Variants in TANC1 observed in about 807,000 individuals in gnomAD.
The protein encoded by TANC1 is protein TANC1.
TANC1 carries 77 observed loss-of-function variants against 149.7 expected under a neutral mutation model. The observed-to-expected ratio is 0.51, with a 90% CI of 0.43 to 0.62. The LOEUF is 0.62. Ranked by LOEUF, TANC1 falls within the 20% of genes least tolerant of loss-of-function variation. TANC1 has a pLI of 0.00. For synonymous variants in TANC1, 854 were observed against 925.0 expected (o/e 0.92, Z 1.39); for missense variants, 1,985 against 2,321.8 (o/e 0.85, Z 2.98).
Position 159,001,862 on chromosome 2 carries a change from G to C in TANC1, c.-16+673G>C, listed in dbSNP as rs556359324. Among the ~76,000 whole-genome samples, 1 of 152,256 alleles carries C rather than the reference G, an allele frequency of 6.6e-6. No homozygotes were observed. Among genetic ancestry groups the C allele is most frequent in the East Asian group, 1.9e-4 (1 of 5,170 alleles). On this transcript the variant is annotated intron_variant, in intron 2 of 26. Transcript: ENST00000263635. This position sits in a 1 kb window ranked among gnomAD's most constrained non-coding sequence, Gnocchi z 4.3. ...TGAACAGTGGACAGAAGGTTCCAGA[G>C]GCTGTGGGGGAAGGGAGAGGGGGTT...
At chr2:159,218,152 C>T (rs929057074) in intron 20 of TANC1, among the ~76,000 whole-genome samples, 1 of 152,124 alleles carries the variant, frequency 6.6e-6, no homozygotes, top group African/African-American at 2.4e-5. Flanking sequence ...ATCCTTGCTC[C>T]TTCATTTCGT....
intron 5 of TANC1, among the ~76,000 whole-genome samples, chr2:159,143,399 A>G (rs944279525): frequency 3.3e-5 from 5 of 152,100 alleles, no homozygotes; most frequent in Non-Finnish European, 5.9e-5. Flanking sequence ...TTACTGTAAC[A>G]GTACAAAAAA....
chr2:159,110,874 C>G (rs576201455), intron 4 of TANC1, among the ~76,000 whole-genome samples: 228 of 152,300 alleles, frequency 1.5e-3, no homozygotes, highest in Non-Finnish European at 2.7e-3. Context: ...TTCTGGCAAG[C>G]ATGTGTCGTC....
intron 2 of TANC1, chr2:159,004,299 G>A: frequency 6.2e-7 from 1 of 1,611,712 alleles, no homozygotes; most frequent in South Asian, 1.1e-5. Context: ...TTTTGATGAG[G>A]CATCAAAGAA....
intron 1 of TANC1, among the ~76,000 whole-genome samples, chr2:158,974,439 A>G (rs993270498): frequency 2.0e-5 from 3 of 151,954 alleles, no homozygotes; most frequent in African/African-American, 7.3e-5. Context: ...ATATTTTTTA[A>G]TTTTATTATT....
At chr2:159,111,656 G>A (rs2047736895) in intron 4 of TANC1, among the ~76,000 whole-genome samples, 1 of 152,170 alleles carries the variant, frequency 6.6e-6, no homozygotes, top group African/African-American at 2.4e-5. Flanking sequence ...GACGGGCTGA[G>A]GGACCAGCAG....
chr2:158,979,243 CT>C (rs1156416196), intron 1 of TANC1, among the ~76,000 whole-genome samples: 1 of 152,070 alleles, frequency 6.6e-6, no homozygotes, highest in African/African-American at 2.4e-5. Context: ...AATTCTAGTA[CT>C]TTGGGAGGCT....
chr2:159,049,817 G>A (rs753757532), intron 2 of TANC1, among the ~76,000 whole-genome samples: 43 of 152,298 alleles, frequency 2.8e-4, no homozygotes, highest in Admixed American at 9.8e-4. Context: ...TTTTGGAAGT[G>A]GGGAGAGGAA....
intron 4 of TANC1, among the ~76,000 whole-genome samples, chr2:159,118,114 A>G (rs1294248671): frequency 6.6e-6 from 1 of 152,200 alleles, no homozygotes; most frequent in Non-Finnish European, 1.5e-5. Context: ...TGATGTACAC[A>G]GTAGCTACCT....
intron 2 of TANC1, among the ~76,000 whole-genome samples, chr2:159,025,178 C>G (rs974862294): frequency 2.0e-5 from 2 of 100,656 alleles, no homozygotes; most frequent in African/African-American, 6.7e-5. Flanking sequence ...TTCTTTCTTT[C>G]TTTTTCTTTC....
intron 16 of TANC1, among the ~76,000 whole-genome samples, chr2:159,193,251 A>G (rs1461578854): frequency 3.3e-5 from 5 of 151,950 alleles, no homozygotes; most frequent in Non-Finnish European, 5.9e-5. Context: ...TGCTTCACTT[A>G]TTTCACTTCC....
chr2:159,057,539 C>T (rs752892098), intron 2 of TANC1, among the ~76,000 whole-genome samples: 4 of 152,222 alleles, frequency 2.6e-5, no homozygotes, highest in African/African-American at 9.6e-5. Context: ...AGAGCCAGGG[C>T]AAGTTTCTCC....
intron 20 of TANC1, 31 bp from the exon 21 acceptor site, chr2:159,219,207 G>A: frequency 6.2e-7 from 1 of 1,613,566 alleles, no homozygotes; most frequent in Non-Finnish European, 8.5e-7. Context: ...AAATGCAGCA[G>A]GAGGATGGTA....
chr2:159,064,398 T>A (rs1242874324), intron 2 of TANC1, among the ~76,000 whole-genome samples: 2 of 152,242 alleles, frequency 1.3e-5, no homozygotes, highest in Non-Finnish European at 2.9e-5. Flanking sequence ...CCGATAACCT[T>A]CAGTATGGCT....
intron 3 of TANC1, among the ~76,000 whole-genome samples, chr2:159,095,147 C>T (rs1486488755): frequency 2.0e-5 from 3 of 151,830 alleles, no homozygotes; most frequent in Non-Finnish European, 4.4e-5. Flanking sequence ...AGGGTTTCAC[C>T]GTGTTGGCCA....
chr2:159,223,558 A>C (rs1213585875), intron 22 of TANC1, among the ~76,000 whole-genome samples: 5 of 152,238 alleles, frequency 3.3e-5, no homozygotes, highest in African/African-American at 1.2e-4. Flanking sequence ...TAAAATAGCC[A>C]CAGGCTAAAA....
At chr2:159,110,119 G>A (rs183692260) in intron 4 of TANC1, among the ~76,000 whole-genome samples, 182 of 152,336 alleles carry the variant, frequency 1.2e-3, no homozygotes, top group African/African-American at 4.3e-3. Flanking sequence ...TTTATGGGTT[G>A]AAGACAAGAA....
intron 2 of TANC1, among the ~76,000 whole-genome samples, chr2:159,031,871 A>G (rs969191152): frequency 6.6e-6 from 1 of 152,228 alleles, no homozygotes; most frequent in Non-Finnish European, 1.5e-5. Context: ...TGTCATACAG[A>G]TTAGATTCCA....
intron 5 of TANC1, among the ~76,000 whole-genome samples, chr2:159,140,108 A>G (rs2051196351): frequency 6.6e-6 from 1 of 152,112 alleles, no homozygotes; most frequent in Non-Finnish European, 1.5e-5. Context: ...CTCTGGTCCC[A>G]GCTACTCAGG....
Sources: gnomAD v4.1 joint callset for allele counts (sites outside exome capture counted in the v4.1 genomes callset) on GRCh38, gnomAD v4.1.1 for gene constraint, Gnocchi (gnomAD v3.1) non-coding constraint, MANE v1.5 for transcripts, NCBI Gene and HGNC (gene_info 2026-07-23, HGNC 2026-07-21) for gene names.